RCL1: variants seen among roughly 807,000 people sequenced by gnomAD.
RCL1 encodes RNA terminal phosphate cyclase like 1.
Under a neutral mutation model 42.4 loss-of-function variants are expected in RCL1, and 24 were observed. That is an observed-to-expected ratio of 0.57 (90% CI 0.41 to 0.80). The LOEUF is 0.80. RCL1 is among the 30% of genes least tolerant of loss of function. RCL1 has a pLI of 0.00. For missense variants in RCL1, 578 were observed against 467.9 expected (o/e 1.24, Z -2.17); for synonymous variants, 228 against 177.3 (o/e 1.29, Z -2.27).
chr9:4,842,744 G>C (rs1817375268), intron 6 of RCL1, among the ~76,000 whole-genome samples: 1 of 152,114 alleles, frequency 6.6e-6, no homozygotes, highest in Non-Finnish European at 1.5e-5. Flanking sequence ...CACAGGTCTG[G>C]AATTATGTGT....
At chr9:4,840,404 ATACT>A (rs1178895281) in intron 5 of RCL1, among the ~76,000 whole-genome samples, 2 of 152,182 alleles carry the variant, frequency 1.3e-5, no homozygotes, top group African/African-American at 2.4e-5. Flanking sequence ...TGCTCAATAC[ATACT>A]TACTTTTTCT....
intron 5 of RCL1, chr9:4,839,590 C>CT: frequency 1.1e-6 from 1 of 880,540 alleles, no homozygotes. Context: ...GACTGTTTGT[C>CT]TAAGCTGTCT....
At chr9:4,846,465 T>C (rs1415427550) in intron 7 of RCL1, among the ~76,000 whole-genome samples, 1 of 152,250 alleles carries the variant, frequency 6.6e-6, no homozygotes, top group Non-Finnish European at 1.5e-5. Flanking sequence ...CTAAATTTAA[T>C]AATTTTGTGA....
At position 4,823,617 on chromosome 9, in the gene RCL1, C is replaced by G. The variant is rs1352719550; in HGVS notation, c.206C>G (p.Thr69Arg). 1 of 1,606,864 alleles carries G rather than the reference C, an allele frequency of 6.2e-7. No homozygotes were observed. Among genetic ancestry groups the G allele is most frequent in the Non-Finnish European group, 8.5e-7 (1 of 1,176,212 alleles). Residue 69 changes from threonine to arginine, a missense_variant and splice_region_variant, in exon 2 of 9, where the codon ACA (threonine) becomes AGA (arginine). Transcript: ENST00000381750. Reference protein sequence around the residue: ...TNGSRIEINQTGTTLYYQPGL... With the variant: ...TNGSRIEINQRGTTLYYQPGL... ...GGTTCTCGAATTGAAATAAACCAAACAGGTAAGCTCCTTTTAGATTCCTAA... is the reference window on the plus strand; with the variant it reads ...GGTTCTCGAATTGAAATAAACCAAAGAGGTAAGCTCCTTTTAGATTCCTAA...
chr9:4,819,693 G>A (rs574950197), intron 1 of RCL1, among the ~76,000 whole-genome samples: 13 of 152,336 alleles, frequency 8.5e-5, no homozygotes, highest in Admixed American at 7.2e-4. Context: ...TGTAGTCCCA[G>A]CTACTCGGGA....
At chr9:4,847,464 C>G (rs1817560675) in intron 7 of RCL1, among the ~76,000 whole-genome samples, 1 of 152,108 alleles carries the variant, frequency 6.6e-6, no homozygotes, top group Non-Finnish European at 1.5e-5. Context: ...CATCGGTTAC[C>G]AAGCCTTCTT....
intron 1 of RCL1, 145 bp from the exon 2 acceptor site, chr9:4,823,403 A>G: frequency 1.8e-6 from 1 of 560,964 alleles, no homozygotes; most frequent in Non-Finnish European, 3.1e-6. Flanking sequence ...GAACCTACCC[A>G]GTCCTTTAGG....
At chr9:4,850,812 C>T (rs1049968072) in intron 8 of RCL1, among the ~76,000 whole-genome samples, 5 of 151,986 alleles carry the variant, frequency 3.3e-5, no homozygotes, top group African/African-American at 9.7e-5. Flanking sequence ...TCACTGGAGG[C>T]GGCTGCCAGC....
chr9:4,844,670 G>A lies in RCL1; in HGVS notation c.856G>A (p.Glu286Lys), dbSNP rs1422086276. ...GAACTGTGCCCGGCTGCTGCTGGAG[G>A]AAATCTACAGGGTATGTCCACAGCT... ...GRNCARLLLEEIYRGGCVDST... is the reference protein window; with the variant it reads ...GRNCARLLLEKIYRGGCVDST... The change falls in exon 7 of 9, where the codon GAA (glutamate) becomes AAA (lysine). Residue 286 changes from glutamate to lysine, a missense_variant. Transcript: ENST00000381750. 1.2e-6 allele frequency: 2 copies of A among 1,613,082 alleles called. No individual in the cohort carries two copies. Among genetic ancestry groups the A allele is most frequent in the South Asian group, 1.1e-5 (1 of 90,938 alleles).
intron 8 of RCL1, among the ~76,000 whole-genome samples, chr9:4,855,199 A>AT (rs2129740711): frequency 6.6e-6 from 1 of 152,290 alleles, no homozygotes; most frequent in East Asian, 1.9e-4. Context: ...GGAAAAAAAA[A>AT]GCCTCACTGC....
rs572643343 is a variant in RCL1, at chr9:4,819,574, C to T, written c.137-3974C>T. Among the ~76,000 whole-genome samples, 32 of 152,182 alleles carry T rather than the reference C, an allele frequency of 2.1e-4. No homozygotes were observed. In the South Asian group the frequency reaches 3.5e-3, roughly 17 times the overall value. On this transcript the variant is annotated intron_variant, in intron 1 of 8. Coordinates refer to ENST00000381750, the MANE Select transcript of RCL1 (RefSeq NM_005772.5). ...CTGTAATCCCAGCACTTTGGGAGGT[C>T]GAGGCGGGGGGATCATGAGGTCAGG...
intron 5 of RCL1, chr9:4,839,998 G>T: frequency 7.6e-6 from 5 of 658,546 alleles, no homozygotes; most frequent in Non-Finnish European, 9.4e-6. Flanking sequence ...AGGAGTTGAT[G>T]GTGCAGAGCT....
At chr9:4,801,368 C>T (rs1430980065) in intron 1 of RCL1, among the ~76,000 whole-genome samples, 1 of 152,134 alleles carries the variant, frequency 6.6e-6, no homozygotes, top group African/African-American at 2.4e-5. Context: ...GATGGAGTCT[C>T]GCTATGTTGT....
intron 7 of RCL1, 89 bp from the exon 8 acceptor site, chr9:4,849,358 T>C (rs1474013943): frequency 2.3e-6 from 2 of 886,834 alleles, no homozygotes; most frequent in Non-Finnish European, 3.6e-6. Flanking sequence ...TTTGATATTA[T>C]GAGTGTATGT....
At chr9:4,817,008 G>A (rs540151785) in intron 1 of RCL1, among the ~76,000 whole-genome samples, 11 of 152,180 alleles carry the variant, frequency 7.2e-5, no homozygotes, top group South Asian at 6.2e-4. Flanking sequence ...TGGTAGAGAC[G>A]GGGTTTCACC....
At chr9:4,847,614 A>G (rs1161142645) in intron 7 of RCL1, among the ~76,000 whole-genome samples, 1 of 152,180 alleles carries the variant, frequency 6.6e-6, no homozygotes, top group African/African-American at 2.4e-5. Context: ...AGTTCTTTCC[A>G]AATCCTAACA....
Position 4,793,000 on chromosome 9 carries a change from T to C in RCL1, c.-92T>C. 7.0e-7 allele frequency: 1 copy of C among 1,432,374 alleles called. No individual in the cohort carries two copies. Among genetic ancestry groups the C allele is most frequent in the South Asian group, 1.3e-5 (1 of 75,120 alleles). The allele number at this position is 1,432,374 out of a possible 1,614,324, so 88.7% of individuals were successfully genotyped here. A position where few individuals can be genotyped will look rare whatever the true frequency, so the allele number is the denominator to read the frequency against. Reference sequence around the variant, plus strand: ...GCAGCCCGAGCCGCCGCCGTCGGTGTCGCCGCCACCACCACCATCGGAGTC... The same window carrying C: ...GCAGCCCGAGCCGCCGCCGTCGGTGCCGCCGCCACCACCACCATCGGAGTC... On this transcript the variant is annotated 5_prime_UTR_variant, in exon 1 of 9. Transcript: ENST00000381750.
intron 1 of RCL1, among the ~76,000 whole-genome samples, chr9:4,812,282 T>A (rs973367818): frequency 2.0e-5 from 3 of 152,160 alleles, no homozygotes; most frequent in Non-Finnish European, 2.9e-5. Context: ...CTGTAATGCT[T>A]CCCTAATGTT....
intron 1 of RCL1, among the ~76,000 whole-genome samples, chr9:4,821,562 G>C (rs766184077): frequency 1.3e-5 from 2 of 152,238 alleles, no homozygotes; most frequent in Non-Finnish European, 2.9e-5. Context: ...TATCTGGCAA[G>C]GGCCTTCTTG....
Sources: gnomAD v4.1 joint callset for allele counts (sites outside exome capture counted in the v4.1 genomes callset) on GRCh38, gnomAD v4.1.1 for gene constraint, MANE v1.5 for transcripts, NCBI Gene and HGNC (gene_info 2026-07-23, HGNC 2026-07-21) for gene names.